C13orf46: variants seen among roughly 807,000 people sequenced by gnomAD.
C13orf46 encodes uncharacterized protein C13orf46.
the C13orf46 span, among the ~76,000 whole-genome samples, chr13:113,940,373 T>C: frequency 6.6e-6 from 1 of 152,216 alleles, no homozygotes; most frequent in Non-Finnish European, 1.5e-5. Flanking sequence ...GGGAAGCACT[T>C]TCCCTGTGCC....
chr13:113,931,181 G>T, the C13orf46 span, among the ~76,000 whole-genome samples: 5 of 152,226 alleles, frequency 3.3e-5, no homozygotes, highest in Non-Finnish European at 7.3e-5. Flanking sequence ...CCGGCCCCCA[G>T]AGGTAACCCC....
In C13orf46 at chr13:113,956,047, A is replaced by T; in HGVS notation, c.*726T>A. The T allele has an allele frequency of 6.2e-6, 1 of 161,740 alleles. No individual in the cohort carries two copies. Among genetic ancestry groups the T allele is most frequent in the African/African-American group, 2.5e-5 (1 of 40,722 alleles). 10.0% of individuals were successfully genotyped at this position (161,740 alleles called of 1,614,324 possible). A position where few individuals can be genotyped will look rare whatever the true frequency, so the allele number is the denominator to read the frequency against. ...GGAGGAGTAGGATCTGGCAGAGAGG[A>T]GTAGGATCTGGCGGAGAGGAGGAGT... On this transcript the variant is annotated 3_prime_UTR_variant, in exon 7 of 7. Transcript: ENST00000636427.
Position 113,962,984 on chromosome 13 carries a change from C to T in C13orf46, c.572+1943G>A, listed in dbSNP as rs1007975233. ...GAGTTGGGGCAGAGTGCAATGTTCT[C>T]GAGGACTTTCTCTCTCCCTGGAGAC... On this transcript the variant is annotated intron_variant, in intron 6 of 6. Coordinates refer to ENST00000636427, the MANE Select transcript of C13orf46 (RefSeq NM_001365455.2). Among the ~76,000 whole-genome samples, 5 of 152,182 alleles carry T rather than the reference C, an allele frequency of 3.3e-5. No individual in the cohort carries two copies. The East Asian group carries it at 5.8e-4, about 18-fold the overall frequency.
At chr13:113,945,539 G>GAGAA in the C13orf46 span, among the ~76,000 whole-genome samples, 2,456 of 73,446 alleles carry the variant, frequency 0.033, 97 homozygotes, top group Middle Eastern at 0.081. Flanking sequence ...GCGAGAATCT[G>GAGAA]AGAAAGAAAG....
intron 1 of C13orf46, among the ~76,000 whole-genome samples, chr13:113,972,236 C>T (rs540337866): frequency 6.6e-6 from 1 of 152,362 alleles, no homozygotes; most frequent in African/African-American, 2.4e-5. Context: ...CTTGGCGTAA[C>T]TTATTCTTTT....
At chr13:113,930,279 A>G in the C13orf46 span, among the ~76,000 whole-genome samples, 7 of 152,276 alleles carry the variant, frequency 4.6e-5, no homozygotes, top group African/African-American at 1.7e-4. Context: ...ATTTGTGCAC[A>G]AGAAACGCAA....
downstream of C13orf46, among the ~76,000 whole-genome samples, chr13:113,953,405 G>A (rs2052497343): frequency 6.6e-6 from 1 of 152,108 alleles, no homozygotes; most frequent in Non-Finnish European, 1.5e-5. Context: ...GGGGTCCCAG[G>A]AGTCAGCCCT....
Position 113,956,152 on chromosome 13 carries a change from G to A in C13orf46, c.*621C>T, listed in dbSNP as rs932144505. The A allele has an allele frequency of 5.8e-4, 90 of 154,280 alleles. No homozygotes were observed. The highest frequency in any genetic ancestry group is 7.9e-4 in the East Asian group (4 of 5,034). The allele number at this position is 154,280 out of a possible 1,614,324, so 9.6% of individuals were successfully genotyped here. A position where few individuals can be genotyped will look rare whatever the true frequency, so the allele number is the denominator to read the frequency against. ...GCGGAGAGGAGGAGTAGTATTTGGCGAAGAGGAGGAGCATCCGGCGGAGAC... is the reference window on the plus strand; with the variant it reads ...GCGGAGAGGAGGAGTAGTATTTGGCAAAGAGGAGGAGCATCCGGCGGAGAC... On this transcript the variant is annotated 3_prime_UTR_variant, in exon 7 of 7. Coordinates refer to ENST00000636427, the MANE Select transcript of C13orf46 (RefSeq NM_001365455.2).
At chr13:113,951,012 A>G (rs2052486560), downstream of C13orf46, among the ~76,000 whole-genome samples, 1 of 152,146 alleles carries the variant, frequency 6.6e-6, no homozygotes, top group East Asian at 1.9e-4. Flanking sequence ...TCACGTGGGA[A>G]GGACACAGGG....
chr13:113,957,315 TTCA>T, intron 6 of C13orf46, among the ~76,000 whole-genome samples: 1 of 110,566 alleles, frequency 9.0e-6, no homozygotes, highest in African/African-American at 3.5e-5. Context: ...TGCACCCCCT[TTCA>T]TCAAGCACAC....
At chr13:113,964,220 A>T (rs1374687005) in intron 6 of C13orf46, among the ~76,000 whole-genome samples, 4 of 152,262 alleles carry the variant, frequency 2.6e-5, no homozygotes, top group Non-Finnish European at 5.9e-5. Context: ...AAATACTGAT[A>T]AACTGTTAAT....
chr13:113,940,087 T>G, the C13orf46 span, among the ~76,000 whole-genome samples: 1 of 152,234 alleles, frequency 6.6e-6, no homozygotes, highest in Non-Finnish European at 1.5e-5. Context: ...CCTGCCTGCC[T>G]GGCCCTGCCC....
rs1233922220 is a variant in C13orf46, at chr13:113,955,063, CGGGGATGAGGAGCATCCAGT to C, written c.*1690_*1709del. 27 of 161,208 alleles carry C rather than the reference CGGGGATGAGGAGCATCCAGT, an allele frequency of 1.7e-4. No individual in the cohort carries two copies. Among genetic ancestry groups the C allele is most frequent in the Non-Finnish European group, 2.4e-4 (20 of 83,002 alleles). 10.0% of individuals were successfully genotyped at this position (161,208 alleles called of 1,614,324 possible). ...TCTGGCGGAGAGGAGGAGCATCCGG[CGGGGATGAGGAGCATCCAGT>C]GGGGATGAGGAGCAGCTGGTGGAGA... On this transcript the variant is annotated 3_prime_UTR_variant, in exon 7 of 7. Transcript: ENST00000636427.
At chr13:113,942,528 G>A in the C13orf46 span, among the ~76,000 whole-genome samples, 1 of 152,164 alleles carries the variant, frequency 6.6e-6, no homozygotes, top group Non-Finnish European at 1.5e-5. Flanking sequence ...ATCAGCTCAG[G>A]AGCCACTGAG....
chr13:113,938,475 C>T, the C13orf46 span, among the ~76,000 whole-genome samples: 2 of 152,184 alleles, frequency 1.3e-5, no homozygotes, highest in Non-Finnish European at 2.9e-5. Flanking sequence ...CTTCAAATTG[C>T]TCTCTCTTTG....
chr13:113,927,460 T>C, the C13orf46 span: 8 of 398,238 alleles, frequency 2.0e-5, no homozygotes, highest in Non-Finnish European at 3.5e-5. Flanking sequence ...GCACTTCAAC[T>C]GCAAAGTACA....
chr13:113,945,648 GAAA>G, the C13orf46 span, among the ~76,000 whole-genome samples: 21 of 137,752 alleles, frequency 1.5e-4, no homozygotes, highest in African/African-American at 4.8e-4. Flanking sequence ...AAGAAAGAAA[GAAA>G]GAAAGAAAGA....
At chr13:113,969,552 T>A (rs1043411844) in intron 2 of C13orf46, among the ~76,000 whole-genome samples, 27 of 152,358 alleles carry the variant, frequency 1.8e-4, no homozygotes, top group Middle Eastern at 3.4e-3. Context: ...GGGAGCCATT[T>A]GTAAATAAGG....
chr13:113,928,829 C>T, the C13orf46 span: 2,075 of 152,518 alleles, frequency 0.014, 19 homozygotes, highest in African/African-American at 0.024. Flanking sequence ...AGGCTGACAC[C>T]GAGTGTGGTG....
Sources: allele counts gnomAD v4.1 joint callset (sites outside exome capture counted in the v4.1 genomes callset), GRCh38; gene constraint gnomAD v4.1.1; transcripts MANE v1.5; gene names NCBI Gene and HGNC (gene_info 2026-07-23, HGNC 2026-07-21).